The following ANKS1B variants were observed in gnomAD, a reference collection of about 807,000 sequenced individuals.
The protein encoded by ANKS1B is ankyrin repeat and sterile alpha motif domain containing 1B, also known as ankyrin repeat and sterile alpha motif domain-containing protein 1B.
ANKS1B carries 36 observed loss-of-function variants against 148.3 expected under a neutral mutation model. The observed-to-expected ratio is 0.24, with a 90% confidence interval of 0.19 to 0.32. ANKS1B has a LOEUF of 0.32. ANKS1B is among the 10% of genes least tolerant of loss of function. The pLI is 1.00. For synonymous variants in ANKS1B, 542 were observed against 560.8 expected (o/e 0.97, Z 0.47); for missense variants, 1,157 against 1,542.6 (o/e 0.75, Z 4.19).
Position 99,244,334 on chromosome 12 carries a change from T to C in ANKS1B, c.2419+8A>G, listed in dbSNP as rs2089923430. On this transcript the variant is annotated splice_region_variant and intron_variant, in intron 14 of 26. Transcript: ENST00000683438. ...TATTCATTATAATGTAGAGGAAGGT[T>C]GCCTTACTTGTGGTCTCACCATTCA... The C allele has an allele frequency of 1.3e-6, 2 of 1,593,290 alleles. No individual in the cohort carries two copies. Among genetic ancestry groups the C allele is most frequent in the Non-Finnish European group, 1.7e-6 (2 of 1,166,520 alleles).
At chr12:99,604,396 G>A (rs911651511) in intron 9 of ANKS1B, among the ~76,000 whole-genome samples, 24 of 151,990 alleles carry the variant, frequency 1.6e-4, no homozygotes, top group African/African-American at 5.6e-4. Flanking sequence ...AAATCTCAAA[G>A]TTAATTTGGG....
intron 9 of ANKS1B, among the ~76,000 whole-genome samples, chr12:99,571,581 T>C (rs2097456180): frequency 1.3e-5 from 2 of 152,154 alleles, no homozygotes; most frequent in African/African-American, 2.4e-5. Flanking sequence ...CATCTTTGTA[T>C]CCTTCTATGT....
At chr12:99,911,744 A>G (rs570245940) in intron 1 of ANKS1B, among the ~76,000 whole-genome samples, 7 of 152,318 alleles carry the variant, frequency 4.6e-5, no homozygotes, top group Admixed American at 3.9e-4. Flanking sequence ...CTCATGGTCA[A>G]ATTTGTTCCA....
chr12:99,358,506 C>T (rs2092219094), intron 12 of ANKS1B, among the ~76,000 whole-genome samples: 1 of 152,018 alleles, frequency 6.6e-6, no homozygotes, highest in Non-Finnish European at 1.5e-5. Context: ...TACAATTTTC[C>T]AAGTGGTAAG....
At chr12:99,325,753 G>A (rs1167791086) in intron 12 of ANKS1B, among the ~76,000 whole-genome samples, 1 of 152,084 alleles carries the variant, frequency 6.6e-6, no homozygotes, top group Non-Finnish European at 1.5e-5. Flanking sequence ...GGTTTTATCA[G>A]TACGATCCTA....
intron 11 of ANKS1B, among the ~76,000 whole-genome samples, chr12:99,406,218 A>G (rs960788852): frequency 1.4e-5 from 2 of 145,314 alleles, no homozygotes; most frequent in Non-Finnish European, 3.0e-5. Context: ...TACAGAATAT[A>G]CATTCTTCTC....
chr12:98,750,136 T>TG (rs1395817813), intron 26 of ANKS1B, among the ~76,000 whole-genome samples: 3 of 151,972 alleles, frequency 2.0e-5, no homozygotes, highest in Non-Finnish European at 4.4e-5. Flanking sequence ...AGTCTGGAAT[T>TG]GGGGGGTGCC....
At chr12:99,934,415 G>A (rs2094704782) in intron 1 of ANKS1B, among the ~76,000 whole-genome samples, 1 of 152,012 alleles carries the variant, frequency 6.6e-6, no homozygotes, top group South Asian at 2.1e-4. Context: ...TCTCTTTGCT[G>A]GGAGACTTTT....
At chr12:99,648,280 G>A (rs1452130208) in intron 9 of ANKS1B, 7 of 1,614,054 alleles carry the variant, frequency 4.3e-6, no homozygotes, top group East Asian at 2.2e-5. Context: ...GTACAAAGGC[G>A]AGTATACTAT....
chr12:99,459,935 G>A (rs1318933368), intron 10 of ANKS1B, among the ~76,000 whole-genome samples: 1 of 151,852 alleles, frequency 6.6e-6, no homozygotes, highest in Non-Finnish European at 1.5e-5. Context: ...CCCAAAAAGA[G>A]CCCACATAAC....
At chr12:99,118,134 A>G (rs1179846899) in intron 15 of ANKS1B, among the ~76,000 whole-genome samples, 1 of 152,214 alleles carries the variant, frequency 6.6e-6, no homozygotes, top group African/African-American at 2.4e-5. Context: ...GAAAATCCCA[A>G]ACTCTAAGTG....
chr12:99,343,832 G>A (rs1391729503), intron 12 of ANKS1B: 4 of 151,942 alleles, frequency 2.6e-5, no homozygotes, highest in Non-Finnish European at 4.4e-5. Context: ...TCCTGAAACT[G>A]TCACAGTGAC....
chr12:99,377,084 T>C (rs1177381380), intron 12 of ANKS1B, among the ~76,000 whole-genome samples: 1 of 151,894 alleles, frequency 6.6e-6, no homozygotes, highest in Non-Finnish European at 1.5e-5. Context: ...CTTGGCCCAC[T>C]GCAACTTCCG....
intron 12 of ANKS1B, among the ~76,000 whole-genome samples, chr12:99,352,788 T>C (rs73149193): frequency 0.22 from 19,014 of 85,846 alleles, 1,250 homozygotes; most frequent in African/African-American, 0.39. Flanking sequence ...TCAGCTCTCA[T>C]TGGCAAATTT....
chr12:99,721,392 G>A (rs556562518), intron 8 of ANKS1B, among the ~76,000 whole-genome samples: 197 of 152,210 alleles, frequency 1.3e-3, no homozygotes, highest in Admixed American at 3.5e-3. Context: ...ACATCCAGAT[G>A]GCCGGTTCCT....
intron 1 of ANKS1B, among the ~76,000 whole-genome samples, chr12:99,860,660 C>T (rs1053203157): frequency 1.3e-5 from 2 of 152,130 alleles, no homozygotes; most frequent in Non-Finnish European, 2.9e-5. Flanking sequence ...TTGTTAAAGA[C>T]CCACACATAC....
In ANKS1B at chr12:99,551,602, G is replaced by A. The variant is rs544048706; in HGVS notation, c.1273-46961C>T. 2.0e-5 allele frequency among the ~76,000 whole-genome samples: 3 copies of A among 151,494 alleles called. No homozygotes were observed. The South Asian group carries it at 6.3e-4, about 32-fold the overall frequency. On this transcript the variant is annotated intron_variant, in intron 9 of 26. Coordinates refer to ENST00000683438, the MANE Select transcript of ANKS1B (RefSeq NM_001352186.2). ...AGAATACTCTGGAGCACACAGGTGG[G>A]AATATCTGGGAGGAGCAGAAAAGAC... is the stretch of plus-strand genomic sequence containing the variant.
chr12:99,236,645 G>A (rs1445744860), intron 14 of ANKS1B, among the ~76,000 whole-genome samples: 1 of 152,186 alleles, frequency 6.6e-6, no homozygotes, highest in East Asian at 1.9e-4. Flanking sequence ...CATAGCAGAT[G>A]CCCTTTCTTT....
At chr12:99,094,917 G>C (rs2153657656) in intron 15 of ANKS1B, among the ~76,000 whole-genome samples, 1 of 152,210 alleles carries the variant, frequency 6.6e-6, no homozygotes, top group East Asian at 1.9e-4. Flanking sequence ...GGGAGGTATG[G>C]AAGTTGAGCT....
Sources: gnomAD v4.1 joint callset for allele counts (sites outside exome capture counted in the v4.1 genomes callset) on GRCh38, gnomAD v4.1.1 for gene constraint, MANE v1.5 for transcripts, NCBI Gene and HGNC (gene_info 2026-07-23, HGNC 2026-07-21) for gene names.